IFT43: variants seen among roughly 807,000 people sequenced by gnomAD.
IFT43 encodes the protein intraflagellar transport 43.
In IFT43, 33 loss-of-function variants were observed where a neutral mutation model predicts 32.3. The ratio of observed to expected loss-of-function variants is 1.02; its 90% CI spans 0.77 to 1.37. The LOEUF (loss-of-function observed/expected upper bound fraction) is 1.37. Ranked by LOEUF, IFT43 falls within the 40% of genes most tolerant of loss-of-function variation. The pLI is 0.00. For synonymous variants in IFT43, 93 were observed against 98.2 expected, an observed-to-expected ratio of 0.95 and a Z score of 0.31; for missense variants, 274 against 265.9, an observed-to-expected ratio of 1.03 and a Z score of -0.21.
At chr14:76,058,961 T>C in intron 4 of IFT43, 1 of 1,437,196 alleles carries the variant, frequency 7.0e-7, no homozygotes, top group Non-Finnish European at 9.1e-7. Context: ...TTGATATAGA[T>C]GGGCAGAAGC....
intron 2 of IFT43, among the ~76,000 whole-genome samples, chr14:75,991,421 G>GTGTA (rs1375726366): frequency 7.8e-5 from 11 of 140,716 alleles, no homozygotes; most frequent in Non-Finnish European, 1.6e-4. Flanking sequence ...GTGTGTGTGT[G>GTGTA]TGTGTATGTA....
chr14:76,026,980 A>C (rs1048899646), intron 3 of IFT43, among the ~76,000 whole-genome samples: 1 of 152,216 alleles, frequency 6.6e-6, no homozygotes, highest in African/African-American at 2.4e-5. Flanking sequence ...CTAATGTAGG[A>C]ACAGAAAACC....
intron 7 of IFT43, 136 bp from the exon 8 acceptor site, chr14:76,083,091 T>A: frequency 1.2e-6 from 1 of 863,744 alleles, no homozygotes; most frequent in South Asian, 1.4e-5. Flanking sequence ...ATGATTTTAC[T>A]CTCTTGTGAA....
chr14:76,056,692 A>T (rs924761935), intron 3 of IFT43, among the ~76,000 whole-genome samples: 1 of 151,894 alleles, frequency 6.6e-6, no homozygotes, highest in Non-Finnish European at 1.5e-5. Flanking sequence ...AAGCACATCT[A>T]CCCTTGGTGA....
chr14:76,053,309 G>A (rs1046217258), intron 3 of IFT43, among the ~76,000 whole-genome samples: 1 of 152,126 alleles, frequency 6.6e-6, no homozygotes, highest in African/African-American at 2.4e-5. Flanking sequence ...AGGGTGGGCT[G>A]AGACCTGGGA....
chr14:76,033,949 C>G (rs1234220061), intron 3 of IFT43, among the ~76,000 whole-genome samples: 1 of 152,078 alleles, frequency 6.6e-6, no homozygotes, highest in Non-Finnish European at 1.5e-5. Flanking sequence ...AGGAGTCAAG[C>G]TGGATGAATT....
chr14:76,064,284 A>T (rs2140065185), intron 5 of IFT43, among the ~76,000 whole-genome samples: 1 of 152,300 alleles, frequency 6.6e-6, no homozygotes, highest in East Asian at 1.9e-4. Context: ...TAGGTACCTA[A>T]GATGTCTTTT....
intron 3 of IFT43, among the ~76,000 whole-genome samples, chr14:76,025,947 A>G (rs1208811621): frequency 6.6e-6 from 1 of 152,224 alleles, no homozygotes; most frequent in African/African-American, 2.4e-5. Flanking sequence ...AAATTGACAA[A>G]TGGGATCTAA....
chr14:76,003,038 A>G (rs550883674), intron 2 of IFT43, among the ~76,000 whole-genome samples: 2 of 152,350 alleles, frequency 1.3e-5, no homozygotes, highest in African/African-American at 4.8e-5. Context: ...TGACATGTCA[A>G]TAATTACTGA....
chr14:76,082,154 C>G (rs2037521584), intron 5 of IFT43, 141 bp from the exon 6 acceptor site: 2 of 791,912 alleles, frequency 2.5e-6, no homozygotes, highest in Non-Finnish European at 4.5e-6. Flanking sequence ...GATCCTACCC[C>G]TAGTTTGTAT....
intron 3 of IFT43, among the ~76,000 whole-genome samples, chr14:76,026,876 A>G (rs142094730): frequency 5.7e-4 from 87 of 152,358 alleles, no homozygotes; most frequent in African/African-American, 2.0e-3. Context: ...TGTTGTACAT[A>G]TACACCATGG....
chr14:76,082,984 C>T (rs936023368), intron 7 of IFT43, among the ~76,000 whole-genome samples: 1 of 152,224 alleles, frequency 6.6e-6, no homozygotes, highest in Non-Finnish European at 1.5e-5. Context: ...ACTGCTGTCA[C>T]ACTCGGTCCT....
chr14:76,063,823 AC>A (rs1170305612), intron 5 of IFT43, among the ~76,000 whole-genome samples: 1 of 152,218 alleles, frequency 6.6e-6, no homozygotes, highest in Non-Finnish European at 1.5e-5. Context: ...ATCAGAAAGA[AC>A]ATCTGTGAAA....
intron 3 of IFT43, among the ~76,000 whole-genome samples, chr14:76,042,777 A>G (rs1271694707): frequency 6.6e-6 from 1 of 152,246 alleles, no homozygotes; most frequent in African/African-American, 2.4e-5. Context: ...CAGCCCGCTC[A>G]GGAGCCAGGT....
chr14:76,009,798 G>A (rs2036046049), intron 2 of IFT43, among the ~76,000 whole-genome samples: 1 of 149,746 alleles, frequency 6.7e-6, no homozygotes, highest in Admixed American at 6.6e-5. Flanking sequence ...GTCTCATCTA[G>A]TGGTTTTTTT....
intron 5 of IFT43, among the ~76,000 whole-genome samples, chr14:76,078,224 T>C (rs554780611): frequency 1.3e-5 from 2 of 152,356 alleles, no homozygotes; most frequent in Non-Finnish European, 2.9e-5. Context: ...GGGAGATGAC[T>C]GGGTCTCACG....
chr14:76,036,489 C>T (rs761243264), intron 3 of IFT43, among the ~76,000 whole-genome samples: 4 of 146,010 alleles, frequency 2.7e-5, no homozygotes, highest in African/African-American at 5.1e-5. Context: ...CACTGAGTCT[C>T]CGCCACCCAG....
intron 2 of IFT43, among the ~76,000 whole-genome samples, chr14:75,992,308 G>T (rs1244607689): frequency 1.3e-5 from 2 of 152,150 alleles, no homozygotes; most frequent in Non-Finnish European, 2.9e-5. Flanking sequence ...TTGATATGGG[G>T]GCAAGTGAGA....
intron 2 of IFT43, among the ~76,000 whole-genome samples, chr14:76,017,160 G>A (rs2036203951): frequency 6.6e-6 from 1 of 152,154 alleles, no homozygotes; most frequent in Admixed American, 6.5e-5. Flanking sequence ...TCTCCATTAA[G>A]TACGATGTTA....
Sources: gnomAD v4.1 joint callset for allele counts (sites outside exome capture counted in the v4.1 genomes callset) on GRCh38, gnomAD v4.1.1 for gene constraint, MANE v1.5 for transcripts, NCBI Gene and HGNC (gene_info 2026-07-23, HGNC 2026-07-21) for gene names.